Variants in AFP observed in about 807,000 individuals in gnomAD.
The protein encoded by AFP is alpha fetoprotein.
A neutral mutation model predicts 78.9 loss-of-function variants in AFP; 64 were observed. The observed-to-expected ratio is 0.81, with a 90% CI of 0.66 to 1.00. The LOEUF (loss-of-function observed/expected upper bound fraction) is 1.00. Ranked by LOEUF, AFP falls within the 50% of genes least tolerant of loss-of-function variation. AFP has a pLI of 0.00. For synonymous variants in AFP, 254 were observed against 243.8 expected (o/e 1.04, Z -0.39); for missense variants, 689 against 703.8 (o/e 0.98, Z 0.24).
At chr4:73,453,991 A>T in intron 13 of AFP, 94 bp downstream of exon 13, 1 of 1,445,610 alleles carries the variant, frequency 6.9e-7, no homozygotes, top group East Asian at 2.4e-5. Context: ...TAACTTTAAA[A>T]TATTTTCAGA....
Position 73,450,598 on chromosome 4 carries a change from A to T in AFP, c.1290-17A>T, listed in dbSNP as rs1375413762. ...TGAATGACTCAGCAGGACTTAGTTAAAAAATGCTTCTTTCAGGTTTCTCGT... is the reference window on the plus strand; with the variant it reads ...TGAATGACTCAGCAGGACTTAGTTATAAAATGCTTCTTTCAGGTTTCTCGT... On this transcript the variant is annotated splice_polypyrimidine_tract_variant and intron_variant, in intron 10 of 14. Transcript: ENST00000395792. 1.2e-6 allele frequency: 2 copies of T among 1,614,034 alleles called. No individual in the cohort carries two copies. Among genetic ancestry groups the T allele is most frequent in the African/African-American group, 2.7e-5 (2 of 74,934 alleles).
intron 4 of AFP, among the ~76,000 whole-genome samples, chr4:73,441,172 G>A (rs967901240): frequency 5.9e-5 from 9 of 151,910 alleles, no homozygotes; most frequent in Non-Finnish European, 1.0e-4. Context: ...ATATATTGGT[G>A]TTTTGTGTTC....
chr4:73,451,728 ACCAC>A (rs1391059128), intron 11 of AFP, among the ~76,000 whole-genome samples: 1 of 152,214 alleles, frequency 6.6e-6, no homozygotes, highest in East Asian at 1.9e-4. Context: ...TACAAATTAT[ACCAC>A]CCTCATACGA....
Position 73,445,087 on chromosome 4 carries a change from T to G in AFP, c.808T>G (p.Cys270Gly). The G allele has an allele frequency of 1.2e-6, 2 of 1,614,042 alleles. No individual in the cohort carries two copies. Among genetic ancestry groups the G allele is most frequent in the Non-Finnish European group, 1.7e-6 (2 of 1,179,906 alleles). ...TGTGGCCCATGTACATGAGCACTGTTGCAGAGGAGATGTGCTGGATTGTCT... is the reference window on the plus strand; with the variant it reads ...TGTGGCCCATGTACATGAGCACTGTGGCAGAGGAGATGTGCTGGATTGTCT... Reference protein sequence around the residue: ...LDVAHVHEHCCRGDVLDCLQD... With the variant: ...LDVAHVHEHCGRGDVLDCLQD... Residue 270 changes from cysteine (C) to glycine (G), a missense_variant, in exon 7 of 15, where the codon TGC becomes GGC. By Grantham distance (159) the Cys-to-Gly change is radical. Transcript: ENST00000395792.
chr4:73,439,949 A>G (rs1719612929), intron 3 of AFP, among the ~76,000 whole-genome samples: 1 of 151,324 alleles, frequency 6.6e-6, no homozygotes, highest in African/African-American at 2.4e-5. Context: ...ATATGTATAT[A>G]TATGTATGTA....
At chr4:73,445,371 G>T (rs1719790530) in intron 7 of AFP, among the ~76,000 whole-genome samples, 1 of 152,070 alleles carries the variant, frequency 6.6e-6, no homozygotes, top group Non-Finnish European at 1.5e-5. Flanking sequence ...AAAAAACCGT[G>T]GGAACTTCTC....
At chr4:73,442,463 G>A (rs751560918) in intron 5 of AFP, 35 bp downstream of exon 5, 43 of 1,611,314 alleles carry the variant, frequency 2.7e-5, no homozygotes, top group Non-Finnish European at 3.6e-5. Context: ...AACCAGTACT[G>A]TAGTCTATGA....
chr4:73,446,773 T>C (rs1719841530), intron 7 of AFP, among the ~76,000 whole-genome samples: 1 of 152,234 alleles, frequency 6.6e-6, no homozygotes, highest in Non-Finnish European at 1.5e-5. Context: ...GAAATACATA[T>C]AGCAACATGC....
intron 1 of AFP, 28 bp downstream of exon 1, chr4:73,436,375 TTTCTC>T (rs1719505821): frequency 2.3e-6 from 3 of 1,307,290 alleles, no homozygotes; most frequent in Non-Finnish European, 3.2e-6. Flanking sequence ...TTTCTTGTCT[TTTCTC>T]TATATCAAAA....
chr4:73,451,650 T>C (rs1458803233), intron 11 of AFP, among the ~76,000 whole-genome samples: 2 of 152,236 alleles, frequency 1.3e-5, no homozygotes, highest in Non-Finnish European at 2.9e-5. Flanking sequence ...CACTATTCTT[T>C]AGTTGTATCA....
At chr4:73,441,613 C>CAG (rs1719669381) in intron 4 of AFP, among the ~76,000 whole-genome samples, 1 of 149,046 alleles carries the variant, frequency 6.7e-6, no homozygotes, top group Admixed American at 6.7e-5. Context: ...TGTCTGCTTG[C>CAG]ACAGAGGATC....
In AFP at chr4:73,438,253, G is replaced by A. The variant is rs1416037419; in HGVS notation, c.217G>A (p.Ala73Thr). ...VSKMVKDALTAIEKPTGDEQS... is the reference protein window; with the variant it reads ...VSKMVKDALTTIEKPTGDEQS... Reference sequence around the variant, plus strand: ...CAAAATGGTGAAAGATGCATTGACTGCAATTGAGAAACCCACTGGAGATGA... The same window carrying A: ...CAAAATGGTGAAAGATGCATTGACTACAATTGAGAAACCCACTGGAGATGA... Residue 73 changes from alanine to threonine, a missense_variant, in exon 3 of 15, where the codon GCA becomes ACA. By Grantham distance (58) the Ala-to-Thr change is moderately conservative. Coordinates refer to ENST00000395792, the MANE Select transcript of AFP (RefSeq NM_001134.3). The A allele has an allele frequency of 1.2e-6, 2 of 1,613,306 alleles. No homozygotes were observed. The highest frequency in any genetic ancestry group is 1.7e-6 in the Non-Finnish European group (2 of 1,179,542).
At chr4:73,449,199 T>C in intron 8 of AFP, 136 bp from the exon 9 acceptor site, 1 of 799,844 alleles carries the variant, frequency 1.3e-6, no homozygotes. Flanking sequence ...ATAATTCAAA[T>C]CATATTTGAT....
Position 73,450,104 on chromosome 4 carries a change from G to T in AFP, c.1260G>T (p.Gln420His), listed in dbSNP as rs1483484643. The T allele has an allele frequency of 6.2e-7, 1 of 1,613,164 alleles. No homozygotes were observed. Residue 420 changes from glutamine (Q) to histidine (H), a missense_variant, in exon 10 of 15, where the codon CAG (glutamine) becomes CAT (histidine). Physicochemically the swap from Gln to His is conservative, Grantham distance 24 (BLOSUM62 0). Transcript: ENST00000395792. Reference sequence around the variant, plus strand: ...CAAAGCGAAGCTGCGGCCTCTTCCAGAAACTAGGAGAATATTACTTACAAA... The same window carrying T: ...CAAAGCGAAGCTGCGGCCTCTTCCATAAACTAGGAGAATATTACTTACAAA... ...ALAKRSCGLF[Q>H]KLGEYYLQNA...
chr4:73,450,530 G>A (rs911221729), intron 10 of AFP, 85 bp from the exon 11 acceptor site: 2 of 1,589,748 alleles, frequency 1.3e-6, no homozygotes, highest in African/African-American at 1.3e-5. Flanking sequence ...TCTGGCATGA[G>A]AGTAGAGAGT....
chr4:73,447,420 G>C (rs762166115), intron 7 of AFP, 42 bp from the exon 8 acceptor site: 1 of 1,394,924 alleles, frequency 7.2e-7, no homozygotes, highest in Non-Finnish European at 9.8e-7. Context: ...CTTTATTAAA[G>C]AATAAATCTT....
At chr4:73,455,564 T>C (rs1577961375) in intron 14 of AFP, 67 bp from the exon 15 acceptor site, 2 of 663,928 alleles carry the variant, frequency 3.0e-6, no homozygotes, top group Non-Finnish European at 5.3e-6. Flanking sequence ...TATAAAATAA[T>C]AGAACCAGTT....
chr4:73,443,314 G>A, intron 5 of AFP, 33 bp from the exon 6 acceptor site: 1 of 1,490,594 alleles, frequency 6.7e-7, no homozygotes, highest in Non-Finnish European at 9.4e-7. Context: ...GTTAGTATAT[G>A]CTTTCATGAC....
chr4:73,442,889 T>G (rs1238981782), intron 5 of AFP, among the ~76,000 whole-genome samples: 1 of 152,116 alleles, frequency 6.6e-6, no homozygotes, highest in African/African-American at 2.4e-5. Context: ...GAAAATTTTT[T>G]TTAGGTTTAG....
Sources: gnomAD v4.1 joint callset for allele counts (sites outside exome capture counted in the v4.1 genomes callset) on GRCh38, gnomAD v4.1.1 for gene constraint, MANE v1.5 for transcripts, NCBI Gene and HGNC (gene_info 2026-07-23, HGNC 2026-07-21) for gene names.